Variants in CSMD3 observed in about 807,000 individuals in gnomAD.
The protein encoded by CSMD3 is CUB and sushi domain-containing protein 3.
Under a neutral mutation model 435.2 loss-of-function variants are expected in CSMD3, and 177 were observed. The observed-to-expected ratio is 0.41, with a 90% CI of 0.36 to 0.46. The LOEUF (loss-of-function observed/expected upper bound fraction) is 0.46, where lower values mean the gene tolerates loss of function less well. Among genes scored for constraint, CSMD3 ranks in the 20% least tolerant of loss-of-function variants. The pLI, the probability that CSMD3 is intolerant of heterozygous loss-of-function variation, is 0.34. For missense variants in CSMD3, 4,265 were observed against 4,504.6 expected, an observed-to-expected ratio of 0.95 and a Z score of 1.52; for synonymous variants, 1,656 against 1,520.5, an observed-to-expected ratio of 1.09 and a Z score of -2.07.
At chr8:113,263,005 T>G (rs1304720852) in intron 3 of CSMD3, among the ~76,000 whole-genome samples, 1 of 152,096 alleles carries the variant, frequency 6.6e-6, no homozygotes, top group Admixed American at 6.6e-5. Context: ...AATGATCATT[T>G]TTTAAAGATT....
intron 3 of CSMD3, among the ~76,000 whole-genome samples, chr8:113,268,226 TC>T (rs1398073844): frequency 1.3e-5 from 2 of 151,882 alleles, no homozygotes; most frequent in African/African-American, 4.8e-5. Flanking sequence ...TTAAGAGCAC[TC>T]CCCACCCTTT....
intron 3 of CSMD3, among the ~76,000 whole-genome samples, chr8:113,198,357 T>C (rs1018033887): frequency 6.6e-6 from 1 of 151,290 alleles, no homozygotes; most frequent in African/African-American, 2.4e-5. Context: ...ATGTGATGTA[T>C]TATCCATGTG....
At chr8:112,401,663 T>C (rs1256993976) in intron 35 of CSMD3, among the ~76,000 whole-genome samples, 1 of 152,172 alleles carries the variant, frequency 6.6e-6, no homozygotes, top group Non-Finnish European at 1.5e-5. Context: ...CTGGAATGCA[T>C]TAATTGGTGG....
Position 113,356,141 on chromosome 8 carries a change from TA to T in CSMD3, c.179-41349del, listed in dbSNP as rs1340651061. The stretch of plus-strand genomic sequence containing the variant: ...TATTTCCATTCATGCATATACCACT[TA>T]AAAAAACTATAGAACTATTCATGTA... On this transcript the variant is annotated intron_variant, in intron 1 of 70. Coordinates refer to ENST00000297405, the MANE Select transcript of CSMD3 (RefSeq NM_198123.2). Among the ~76,000 whole-genome samples the T allele has an allele frequency of 2.0e-5, 3 of 152,042 alleles. No homozygotes were observed. The East Asian group carries it at 5.8e-4, about 29-fold the overall frequency.
At position 112,415,968 on chromosome 8, in the gene CSMD3, G is replaced by C. The variant is rs575995242; in HGVS notation, c.5396-6936C>G. On this transcript the variant is annotated intron_variant, in intron 32 of 70. Transcript: ENST00000297405. ...TGCTTTTACAGGCTTATAGGTAGAAGGGACTTGCCTTGTTTCAGATGAGAC... is the reference window on the plus strand; with the variant it reads ...TGCTTTTACAGGCTTATAGGTAGAACGGACTTGCCTTGTTTCAGATGAGAC... 2.6e-5 allele frequency among the ~76,000 whole-genome samples: 4 copies of C among 152,282 alleles called. No individual in the cohort carries two copies. In the South Asian group the frequency reaches 8.3e-4, roughly 32 times the overall value.
intron 4 of CSMD3, among the ~76,000 whole-genome samples, chr8:113,159,204 G>A (rs1172063656): frequency 6.6e-6 from 1 of 151,644 alleles, no homozygotes; most frequent in African/African-American, 2.4e-5. Context: ...TTTCTGATTT[G>A]TGCAATAAAA....
At chr8:113,394,442 G>T (rs1588655302) in intron 1 of CSMD3, among the ~76,000 whole-genome samples, 2 of 151,880 alleles carry the variant, frequency 1.3e-5, no homozygotes, top group African/African-American at 2.4e-5. Context: ...ACCCATCCAG[G>T]TTGATTTTAT....
chr8:112,544,466 A>C (rs565232659), intron 27 of CSMD3, among the ~76,000 whole-genome samples: 78 of 152,288 alleles, frequency 5.1e-4, no homozygotes, highest in African/African-American at 1.8e-3. Context: ...ATAGTGTTTC[A>C]TTTAATTCAA....
intron 5 of CSMD3, among the ~76,000 whole-genome samples, chr8:113,084,622 C>CAAA (rs35078367): frequency 1.4e-4 from 16 of 117,822 alleles, no homozygotes; most frequent in African/African-American, 3.2e-4. Flanking sequence ...TGAATGGAAC[C>CAAA]AAAAAAAAAA....
chr8:113,327,217 C>T (rs2093990037), intron 1 of CSMD3, among the ~76,000 whole-genome samples: 1 of 152,158 alleles, frequency 6.6e-6, no homozygotes, highest in South Asian at 2.1e-4. Context: ...TACACTTTCT[C>T]ATTTTATGAG....
chr8:113,302,601 G>T (rs568949292), intron 2 of CSMD3, among the ~76,000 whole-genome samples: 1 of 151,816 alleles, frequency 6.6e-6, no homozygotes, highest in African/African-American at 2.4e-5. Context: ...ACATTAATAT[G>T]CTTTCTGTAA....
At position 112,884,629 on chromosome 8, in the gene CSMD3, G is replaced by C. The variant is rs922696990; in HGVS notation, c.1634-25363C>G. Among the ~76,000 whole-genome samples, 6 of 151,174 alleles carry C rather than the reference G, an allele frequency of 4.0e-5. No individual in the cohort carries two copies. The Admixed American group carries it at 4.0e-4, about 10-fold the overall frequency. ...ATTGCCAAATGTCTCCCAGCTGTCA[G>C]AATCCAGCCCCTTTCCCATTAAGAG... On this transcript the variant is annotated intron_variant, in intron 10 of 70. Transcript: ENST00000297405.
rs1458808541 is a variant in CSMD3, at chr8:112,650,222, A to G, written c.3132T>C (p.His1044=). ...TTTTTTCGCATAGAAGGGGCTCTTC[A>G]TGACTCAACCTGTATCCTGAATCAC... is the stretch of plus-strand genomic sequence containing the variant. ...FSCDSGYRLS[H]EEPLLCEKNH... The change falls in exon 19 of 71, where the codon CAT becomes CAC. Residue 1044 remains histidine, a synonymous_variant. Transcript: ENST00000297405. 3 of 1,613,890 alleles carry G rather than the reference A, an allele frequency of 1.9e-6. No individual in the cohort carries two copies. Among genetic ancestry groups the G allele is most frequent in the African/African-American group, 2.7e-5 (2 of 74,918 alleles).
At chr8:112,387,465 A>ATGTG (rs34034900) in intron 36 of CSMD3, among the ~76,000 whole-genome samples, 17,295 of 144,080 alleles carry the variant, frequency 0.12, 1,177 homozygotes, top group African/African-American at 0.2. Context: ...GTCATATATT[A>ATGTG]TGTGTGTGTG....
rs2131612672 is a variant in CSMD3 at position 112,645,157 on chromosome 8, G to T, written c.3262C>A (p.Pro1088Thr). 1 of 1,608,674 alleles carries T rather than the reference G, an allele frequency of 6.2e-7. No individual in the cohort carries two copies. Among genetic ancestry groups the T allele is most frequent in the Non-Finnish European group, 8.5e-7 (1 of 1,175,190 alleles). The change falls in exon 20 of 71, where the codon CCA becomes ACA. Residue 1088 changes from proline to threonine, a missense_variant. Transcript: ENST00000297405. The part of the protein sequence containing the change: ...ILSPGYPEFY[P>T]NSLNCTWTVD... The stretch of plus-strand genomic sequence containing the variant: ...GTCCATGTACAATTCAGAGAATTTG[G>T]ATAAAATTCCGGGTAACCAGGTGAT...
chr8:113,323,634 T>G lies in CSMD3; in HGVS notation c.179-8841A>C, dbSNP rs575435063. Among the ~76,000 whole-genome samples the G allele has an allele frequency of 2.0e-5, 3 of 152,306 alleles. No individual in the cohort carries two copies. In the East Asian group the frequency reaches 5.8e-4, roughly 29 times the overall value. On this transcript the variant is annotated intron_variant, in intron 1 of 70. Transcript: ENST00000297405. The stretch of plus-strand genomic sequence containing the variant: ...CTTTTTCACTAAACCAAAAACACTT[T>G]TCAGGGTCAAGAGAAATAGTGGGTA...
chr8:113,073,295 C>T (rs574382984), intron 5 of CSMD3, among the ~76,000 whole-genome samples: 2 of 151,566 alleles, frequency 1.3e-5, no homozygotes, highest in East Asian at 3.9e-4. Flanking sequence ...CTTTTTTTTC[C>T]GACTATCTTT....
At chr8:112,785,120 A>G (rs1435173786) in intron 13 of CSMD3, among the ~76,000 whole-genome samples, 3 of 152,080 alleles carry the variant, frequency 2.0e-5, no homozygotes, top group Non-Finnish European at 4.4e-5. Flanking sequence ...CTGCATACCA[A>G]TTAATGTGAT....
intron 1 of CSMD3, among the ~76,000 whole-genome samples, chr8:113,386,655 G>A (rs992171223): frequency 1.3e-5 from 2 of 151,530 alleles, no homozygotes; most frequent in Non-Finnish European, 3.0e-5. Context: ...GCAACAAATG[G>A]GGACTCAATG....
Sources: allele counts gnomAD v4.1 joint callset (sites outside exome capture counted in the v4.1 genomes callset), GRCh38; gene constraint gnomAD v4.1.1; transcripts MANE v1.5; gene names NCBI Gene and HGNC (gene_info 2026-07-23, HGNC 2026-07-21).